PLEKHG4B: variants seen among roughly 807,000 people sequenced by gnomAD.
PLEKHG4B encodes pleckstrin homology domain-containing family G member 4B.
Under a neutral mutation model 121.3 loss-of-function variants are expected in PLEKHG4B, and 111 were observed. The observed-to-expected ratio is 0.92, with a 90% CI of 0.78 to 1.07. PLEKHG4B has a LOEUF of 1.07. Ranked by LOEUF, PLEKHG4B falls within the 50% of genes least tolerant of loss-of-function variation. The pLI, the probability that PLEKHG4B is intolerant of heterozygous loss-of-function variation, is 0.00. For missense variants in PLEKHG4B, 1,831 were observed against 1,757.8 expected, an observed-to-expected ratio of 1.04 and a Z score of -0.74; for synonymous variants, 738 against 725.0, an observed-to-expected ratio of 1.02 and a Z score of -0.29.
chr5:146,419 G>A (rs1172076597), intron 6 of PLEKHG4B, among the ~76,000 whole-genome samples: 1 of 130,534 alleles, frequency 7.7e-6, no homozygotes, highest in African/African-American at 3.0e-5. Flanking sequence ...TCCCCACTAT[G>A]GTCCTCCCTC....
intron 1 of PLEKHG4B, among the ~76,000 whole-genome samples, chr5:111,854 G>A (rs75661776): frequency 0.016 from 2,418 of 152,168 alleles, 76 homozygotes; most frequent in African/African-American, 0.055. Flanking sequence ...CCTGGTGCCC[G>A]ATGTGGGTGA....
At chr5:128,829 C>T (rs1734696186) in intron 2 of PLEKHG4B, among the ~76,000 whole-genome samples, 1 of 152,098 alleles carries the variant, frequency 6.6e-6, no homozygotes, top group Non-Finnish European at 1.5e-5. Flanking sequence ...TCTAAGTCCC[C>T]CACCAACTGA....
At chr5:164,297 T>A (rs1736158250) in intron 13 of PLEKHG4B, among the ~76,000 whole-genome samples, 1 of 152,206 alleles carries the variant, frequency 6.6e-6, no homozygotes. Context: ...TAGATTCTCA[T>A]AAGGAGCACG....
At chr5:145,297 T>G (rs1256906672) in intron 6 of PLEKHG4B, among the ~76,000 whole-genome samples, 3 of 152,168 alleles carry the variant, frequency 2.0e-5, no homozygotes, top group Non-Finnish European at 4.4e-5. Flanking sequence ...TGCCCCTCTG[T>G]CAGGATGGAG....
intron 17 of PLEKHG4B, among the ~76,000 whole-genome samples, chr5:173,403 C>A (rs1406176439): frequency 6.6e-6 from 1 of 152,020 alleles, no homozygotes; most frequent in African/African-American, 2.4e-5. Context: ...ACAGGGAGGG[C>A]TTTGCTGATG....
At position 114,041 on chromosome 5, in the gene PLEKHG4B, C is replaced by G. The variant is rs143010199; in HGVS notation, c.243+593C>G. Among the ~76,000 whole-genome samples, 307 of 152,324 alleles carry G rather than the reference C, an allele frequency of 2.0e-3. 1 individual carries two copies. Among genetic ancestry groups the G allele is most frequent in the African/African-American group, 7.2e-3 (300 of 41,566 alleles). On this transcript the variant is annotated intron_variant, in intron 2 of 19. Transcript: ENST00000637938. ...ACACTATAGTCTAAGTGTGCAGTAGCATTAGGTCTAAAAACAGCATACATA... is the reference window on the plus strand; with the variant it reads ...ACACTATAGTCTAAGTGTGCAGTAGGATTAGGTCTAAAAACAGCATACATA...
intron 18 of PLEKHG4B, among the ~76,000 whole-genome samples, chr5:179,947 G>A (rs543718549): frequency 1.1e-4 from 16 of 152,122 alleles, no homozygotes; most frequent in African/African-American, 3.9e-4. Context: ...GATGGATTTC[G>A]GTTTCCTTTT....
chr5:130,423 C>G (rs1357579937), intron 2 of PLEKHG4B, among the ~76,000 whole-genome samples: 1 of 152,182 alleles, frequency 6.6e-6, no homozygotes, highest in Admixed American at 6.5e-5. Flanking sequence ...TTTCATACCA[C>G]AGTAGAGGGA....
In PLEKHG4B at chr5:163,199, C is replaced by A. The variant is rs1371990973; in HGVS notation, c.3127C>A (p.Leu1043Ile). The A allele has an allele frequency of 5.7e-6, 9 of 1,587,894 alleles. No individual in the cohort carries two copies. Among genetic ancestry groups the A allele is most frequent in the Non-Finnish European group, 7.7e-6 (9 of 1,168,064 alleles). ...GGACCCACTGTCCCTCCTCAGGGGC[C>A]TTCCAGGGGCAGGGGCCACCACGGC... is the stretch of plus-strand genomic sequence containing the variant. ...LWDPLSLLRG[L>I]PGAGATTAHL... The change falls in exon 13 of 20, where the codon CTT becomes ATT. Residue 1043 changes from leucine to isoleucine, a missense_variant. Leu to Ile is a conservative substitution (Grantham distance 5, BLOSUM62 2). Coordinates refer to ENST00000637938, the MANE Select transcript of PLEKHG4B (RefSeq NM_052909.5).
intron 18 of PLEKHG4B, among the ~76,000 whole-genome samples, chr5:178,851 G>A (rs1430514908): frequency 6.6e-6 from 1 of 152,214 alleles, no homozygotes; most frequent in Non-Finnish European, 1.5e-5. Flanking sequence ...AAATGGAACA[G>A]TAGTTGCATA....
At position 156,153 on chromosome 5, in the gene PLEKHG4B, AG is replaced by A. The variant is rs1168289319; in HGVS notation, c.2297del (p.Gly766AlafsTer7). ...CCACTGCTTGTGTCTCTCAGGCTGG[AG>A]GGGGGCACCGTCCTGGCGCGGCTGA... Reference protein sequence around the residue: ...EDPLLVSLRLEGGTVLARLRR... With the variant: ...EDPLLVSLRLXGGTVLARLRR... On this transcript the variant is annotated frameshift_variant, in exon 10 of 20. Coordinates refer to ENST00000637938, the MANE Select transcript of PLEKHG4B (RefSeq NM_052909.5). LOFTEE classifies it high-confidence loss of function. This position sits in a 1 kb window ranked among gnomAD's most constrained non-coding sequence, Gnocchi z 4.4. 2.5e-6 allele frequency: 4 copies of A among 1,592,234 alleles called. No individual in the cohort carries two copies. Among genetic ancestry groups the A allele is most frequent in the Non-Finnish European group, 3.4e-6 (4 of 1,169,688 alleles).
In PLEKHG4B at chr5:155,040, T is replaced by C. The variant is rs146011467; in HGVS notation, c.2109+49T>C. On this transcript the variant is annotated intron_variant, in intron 8 of 19. Transcript: ENST00000637938. The stretch of plus-strand genomic sequence containing the variant: ...CACATGCGACAGTCTCTGGGGACTT[T>C]CTGTTATGTGGTTGTTTTTACTAGA... 768 of 1,462,582 alleles carry C rather than the reference T, an allele frequency of 5.3e-4. 2 individuals carry two copies. The highest frequency in any genetic ancestry group is 6.7e-4 in the Non-Finnish European group (708 of 1,050,092). 90.6% of individuals were successfully genotyped at this position (1,462,582 alleles called of 1,614,324 possible).
Position 104,632 on chromosome 5 carries a change from A to G in PLEKHG4B, c.46-8619A>G, listed in dbSNP as rs1422523840. ...GGAAGAGGGCTGTATTAATCACCGT[A>G]CAGTATACAAGGTAATTTTGATAAT... On this transcript the variant is annotated intron_variant, in intron 1 of 19. Transcript: ENST00000637938. 2.0e-5 allele frequency among the ~76,000 whole-genome samples: 3 copies of G among 152,314 alleles called. No individual in the cohort carries two copies. The East Asian group carries it at 5.8e-4, about 29-fold the overall frequency.
intron 1 of PLEKHG4B, among the ~76,000 whole-genome samples, chr5:99,380 A>G (rs372821839): frequency 3.3e-5 from 5 of 151,472 alleles, no homozygotes; most frequent in Non-Finnish European, 1.5e-5. Context: ...TGAACACACA[A>G]TGTCTTCCAT....
Position 140,532 on chromosome 5 carries a change from G to T in PLEKHG4B, c.1293G>T (p.Arg431=). Residue 431 remains arginine, a synonymous_variant, in exon 3 of 20, where the codon CGG becomes CGT. Transcript: ENST00000637938. ...GGACAGGTCCAGGAGCTGCAGGGCG[G>T]ACTCTTCCCAGGAGATCTCGGTCCT... is the stretch of plus-strand genomic sequence containing the variant. ...PSRTGPGAAG[R]TLPRRSRSWE... 1 of 1,600,492 alleles carries T rather than the reference G, an allele frequency of 6.2e-7. No individual in the cohort carries two copies. The highest frequency in any genetic ancestry group is 8.5e-7 in the Non-Finnish European group (1 of 1,174,114).
chr5:171,004 G>C, intron 14 of PLEKHG4B, 39 bp from the exon 15 acceptor site: 1 of 1,552,490 alleles, frequency 6.4e-7, no homozygotes, highest in Non-Finnish European at 8.8e-7. Flanking sequence ...CTCTGGGCCT[G>C]TCACTCCCAC....
intron 2 of PLEKHG4B, among the ~76,000 whole-genome samples, chr5:134,517 G>T (rs182346545): frequency 7.9e-4 from 120 of 152,162 alleles, no homozygotes; most frequent in African/African-American, 2.8e-3. Context: ...TGTGATCCCA[G>T]CATTTTGGGA....
chr5:181,026 C>A (rs1460243852), intron 18 of PLEKHG4B, among the ~76,000 whole-genome samples: 1 of 152,244 alleles, frequency 6.6e-6, no homozygotes, highest in East Asian at 1.9e-4. Flanking sequence ...ATTTTCCTTA[C>A]AATTAATATC....
intron 13 of PLEKHG4B, among the ~76,000 whole-genome samples, chr5:164,191 G>T (rs1736154566): frequency 6.6e-6 from 1 of 152,256 alleles, no homozygotes; most frequent in Admixed American, 6.5e-5. Flanking sequence ...TGCCACCAGG[G>T]ACAGGATTCA....
Sources: allele counts gnomAD v4.1 joint callset (sites outside exome capture counted in the v4.1 genomes callset), GRCh38; gene constraint gnomAD v4.1.1; non-coding constraint Gnocchi (gnomAD v3.1); transcripts MANE v1.5; gene names NCBI Gene and HGNC (gene_info 2026-07-23, HGNC 2026-07-21).